Variants in TNRC6A observed in about 807,000 individuals in gnomAD.
TNRC6A encodes the protein trinucleotide repeat-containing gene 6A protein.
In TNRC6A, 44 loss-of-function variants were observed where a neutral mutation model predicts 221.2. The observed-to-expected ratio is 0.20, with a 90% CI of 0.16 to 0.26. The LOEUF is 0.26. Ranked by LOEUF, TNRC6A falls within the 10% of genes least tolerant of loss-of-function variation. The pLI is 1.00. For missense variants in TNRC6A, 2,199 were observed against 2,404.4 expected (o/e 0.91, Z 1.79); for synonymous variants, 847 against 838.5 (o/e 1.01, Z -0.18).
intron 2 of TNRC6A, among the ~76,000 whole-genome samples, chr16:24,739,500 A>G (rs927552896): frequency 8.9e-6 from 1 of 112,994 alleles, no homozygotes; most frequent in African/African-American, 3.4e-5. Flanking sequence ...TTTTTTTGAG[A>G]CAGAGTCTTG....
intron 2 of TNRC6A, among the ~76,000 whole-genome samples, chr16:24,695,141 C>T (rs2055832435): frequency 6.6e-6 from 1 of 152,086 alleles, no homozygotes; most frequent in African/African-American, 2.4e-5. Flanking sequence ...TCATTTAACC[C>T]CATAATAAAG....
intron 1 of TNRC6A, among the ~76,000 whole-genome samples, chr16:24,620,803 C>T (rs995723562): frequency 6.1e-5 from 9 of 146,940 alleles, no homozygotes; most frequent in Admixed American, 2.0e-4. Flanking sequence ...AGTGAAACTC[C>T]GGTCAGGCGC....
At chr16:24,719,123 G>T (rs1376158326) in intron 2 of TNRC6A, among the ~76,000 whole-genome samples, 1 of 151,950 alleles carries the variant, frequency 6.6e-6, no homozygotes, top group Non-Finnish European at 1.5e-5. Flanking sequence ...TATTATTGAG[G>T]GCCTAATATG....
At chr16:24,787,425 T>C (rs933466213) in intron 5 of TNRC6A, among the ~76,000 whole-genome samples, 2 of 152,198 alleles carry the variant, frequency 1.3e-5, no homozygotes, top group African/African-American at 4.8e-5. Flanking sequence ...TATCCTCTAG[T>C]GTGGCTCTAA....
rs752565371 is a variant in TNRC6A at position 24,805,000 on chromosome 16, G to C, written c.3985-14G>C. ...AAGAATCCCACTGTTACTTGTTGCT[G>C]TTTGTTTTTATAGAATGGCAATCCC... On this transcript the variant is annotated splice_polypyrimidine_tract_variant and intron_variant, in intron 13 of 24. Coordinates refer to ENST00000395799, the MANE Select transcript of TNRC6A (RefSeq NM_014494.4). 43 of 1,614,048 alleles carry C rather than the reference G, an allele frequency of 2.7e-5. No homozygotes were observed. Among genetic ancestry groups the C allele is most frequent in the Non-Finnish European group, 3.6e-5 (42 of 1,180,022 alleles).
chr16:24,744,727 G>A (rs1317327957), intron 2 of TNRC6A, among the ~76,000 whole-genome samples: 1 of 152,148 alleles, frequency 6.6e-6, no homozygotes, highest in Non-Finnish European at 1.5e-5. Context: ...CTAAAGCTAA[G>A]CTAAGAAATA....
At chr16:24,758,629 G>A (rs572644038) in intron 4 of TNRC6A, among the ~76,000 whole-genome samples, 1 of 152,184 alleles carries the variant, frequency 6.6e-6, no homozygotes, top group East Asian at 1.9e-4. Flanking sequence ...GTACTCCCTT[G>A]TTTTGACTCT....
At chr16:24,660,943 G>A (rs568819289) in intron 2 of TNRC6A, among the ~76,000 whole-genome samples, 11 of 151,616 alleles carry the variant, frequency 7.3e-5, no homozygotes, top group African/African-American at 1.2e-4. Flanking sequence ...GGGTTTCACC[G>A]TGTAAGCCAG....
At chr16:24,800,794 C>T (rs781480203) in intron 11 of TNRC6A, among the ~76,000 whole-genome samples, 12 of 152,172 alleles carry the variant, frequency 7.9e-5, no homozygotes, top group Non-Finnish European at 1.5e-4. Context: ...CCACAGAGTG[C>T]TGCTGACCCA....
At chr16:24,632,293 A>G (rs1901386677) in intron 1 of TNRC6A, among the ~76,000 whole-genome samples, 2 of 152,208 alleles carry the variant, frequency 1.3e-5, no homozygotes, top group Admixed American at 6.5e-5. Flanking sequence ...GGTCCAAACC[A>G]GAATTCTTGA....
rs542898190 is a variant in TNRC6A at position 24,720,566 on chromosome 16, C to T, written n.403-30160C>T. Among the ~76,000 whole-genome samples the T allele has an allele frequency of 2.6e-5, 4 of 151,412 alleles. No individual in the cohort carries two copies. In the South Asian group the frequency reaches 8.3e-4, roughly 32 times the overall value. On this transcript the variant is annotated intron_variant and non_coding_transcript_variant, in intron 2 of 2. Transcript: ENST00000566108. ...ATTAGCCAAGCATGGTGGCAGGCTC[C>T]TGTAATCCCAGCTACTCAGGAGGCT...
chr16:24,645,276 C>T (rs9936375), intron 2 of TNRC6A, among the ~76,000 whole-genome samples: 67,629 of 151,800 alleles, frequency 0.45, 15,147 homozygotes, highest in South Asian at 0.57. Context: ...GAGGCTGAGG[C>T]GGATGGATCA....
chr16:24,625,741 A>AAC (rs1555480528), intron 1 of TNRC6A, among the ~76,000 whole-genome samples: 1,825 of 67,236 alleles, frequency 0.027, 39 homozygotes, highest in African/African-American at 0.13. Flanking sequence ...TCAAAACAAA[A>AAC]AAAAAAAAAA....
In TNRC6A at chr16:24,777,305, C is replaced by G. The variant is rs201796125; in HGVS notation, c.536C>G (p.Thr179Arg). ...LNSQSESSAL[T>R]NQQPQNNGEV... Reference sequence around the variant, plus strand: ...AGCCAGTCAGAAAGCAGTGCTTTAACAAATCAACAGCCACAAAATAACGGA... The same window carrying G: ...AGCCAGTCAGAAAGCAGTGCTTTAAGAAATCAACAGCCACAAAATAACGGA... Residue 179 changes from threonine (T) to arginine (R), a missense_variant, in exon 5 of 25, where the codon ACA becomes AGA. Coordinates refer to ENST00000395799, the MANE Select transcript of TNRC6A (RefSeq NM_014494.4). The G allele has an allele frequency of 6.2e-6, 10 of 1,613,812 alleles. No homozygotes were observed. Among genetic ancestry groups the G allele is most frequent in the African/African-American group, 1.3e-5 (1 of 74,900 alleles).
intron 8 of TNRC6A, 65 bp from the exon 9 acceptor site, chr16:24,795,842 C>T: frequency 6.8e-7 from 1 of 1,461,218 alleles, no homozygotes. Flanking sequence ...TTAGGTCTTC[C>T]AGTTCCAAAC....
rs552005643 is a variant in TNRC6A at position 24,617,138 on chromosome 16, G to C, written n.276+6654G>C. On this transcript the variant is annotated intron_variant and non_coding_transcript_variant, in intron 1 of 2. Coordinates refer to the TNRC6A transcript ENST00000566108. ...TGAGCATCTTTTTTTTTTTTGGCAG[G>C]TTGTGGGGATGGAGTCCCACTCTGT... Among the ~76,000 whole-genome samples the C allele has an allele frequency of 3.3e-5, 5 of 150,772 alleles. 1 individual carries two copies. In the South Asian group the frequency reaches 1.0e-3, roughly 32 times the overall value.
At chr16:24,714,871 G>GT (rs1473204163) in intron 2 of TNRC6A, among the ~76,000 whole-genome samples, 57 of 144,324 alleles carry the variant, frequency 3.9e-4, no homozygotes, top group African/African-American at 1.4e-3. Flanking sequence ...GTACATTGTA[G>GT]TTTTTTTGTT....
chr16:24,689,641 C>CA (rs1388259660), intron 2 of TNRC6A, among the ~76,000 whole-genome samples: 4 of 152,058 alleles, frequency 2.6e-5, no homozygotes, highest in African/African-American at 9.7e-5. Flanking sequence ...GAGCAATGAA[C>CA]AAGGCAGATA....
chr16:24,764,925 A>G (rs1014778646), intron 4 of TNRC6A, among the ~76,000 whole-genome samples: 3 of 152,222 alleles, frequency 2.0e-5, no homozygotes, highest in African/African-American at 7.2e-5. Context: ...AACAACTAAT[A>G]ATAAAATAAA....
Sources: allele counts gnomAD v4.1 joint callset (sites outside exome capture counted in the v4.1 genomes callset), GRCh38; gene constraint gnomAD v4.1.1; transcripts MANE v1.5; gene names NCBI Gene and HGNC (gene_info 2026-07-23, HGNC 2026-07-21).